Variants in GFOD2 observed in about 807,000 individuals in gnomAD.
The protein encoded by GFOD2 is Gfo/Idh/MocA-like oxidoreductase domain containing 2, also known as glucose-fructose oxidoreductase domain-containing protein 2.
A neutral mutation model predicts 24.6 loss-of-function variants in GFOD2; 9 were observed. The observed-to-expected ratio is 0.37, with a 90% CI of 0.22 to 0.64. The LOEUF is 0.64. GFOD2 is among the 30% of genes least tolerant of loss of function. The pLI, the probability that GFOD2 is intolerant of heterozygous loss-of-function variation, is 0.65. For synonymous variants in GFOD2, 211 were observed against 224.8 expected (o/e 0.94, Z 0.55); for missense variants, 476 against 532.5 (o/e 0.89, Z 1.04).
chr16:67,696,325 T>C (rs1357737638), intron 1 of GFOD2, among the ~76,000 whole-genome samples: 1 of 150,170 alleles, frequency 6.7e-6, no homozygotes, highest in Non-Finnish European at 1.5e-5. Flanking sequence ...GAATCTTTTT[T>C]TTTTTTTTAA....
chr16:67,679,795 G>T (rs989485435), intron 2 of GFOD2, among the ~76,000 whole-genome samples: 2 of 151,750 alleles, frequency 1.3e-5, no homozygotes, highest in African/African-American at 4.8e-5. Flanking sequence ...GCTGAGGCAG[G>T]AGAATTGCTT....
intron 1 of GFOD2, among the ~76,000 whole-genome samples, chr16:67,706,586 C>G (rs187948530): frequency 1.3e-4 from 20 of 152,182 alleles, no homozygotes; most frequent in Non-Finnish European, 2.4e-4. Flanking sequence ...AATGTAGAAG[C>G]CAGAACCATA....
intron 2 of GFOD2, chr16:67,682,421 A>G (rs1392445706): frequency 4.5e-5 from 44 of 985,312 alleles, no homozygotes; most frequent in Middle Eastern, 5.2e-4. Context: ...ACTTAAGAAA[A>G]CATTCAACTG....
intron 2 of GFOD2, among the ~76,000 whole-genome samples, chr16:67,679,256 G>A (rs1200437985): frequency 6.8e-6 from 1 of 146,632 alleles, no homozygotes; most frequent in Non-Finnish European, 1.5e-5. Context: ...TTTTGAGACA[G>A]AGTTTTGCTC....
chr16:67,707,073 A>T (rs2053443842), intron 1 of GFOD2, among the ~76,000 whole-genome samples: 1 of 150,854 alleles, frequency 6.6e-6, no homozygotes, highest in African/African-American at 2.4e-5. Flanking sequence ...AAAAAAAAAA[A>T]AATGTCCGGG....
intron 1 of GFOD2, among the ~76,000 whole-genome samples, chr16:67,708,009 G>A (rs112197254): frequency 2.6e-5 from 4 of 152,122 alleles, no homozygotes; most frequent in Non-Finnish European, 5.9e-5. Flanking sequence ...CTGAGGCGGA[G>A]GGAATCGAAC....
chr16:67,692,739 A>C (rs2053323894), intron 1 of GFOD2, among the ~76,000 whole-genome samples: 1 of 151,576 alleles, frequency 6.6e-6, no homozygotes. Context: ...TAAAAAAAAA[A>C]AAAAAGGCCG....
At chr16:67,689,139 GA>G (rs2053292654) in intron 1 of GFOD2, among the ~76,000 whole-genome samples, 1 of 151,040 alleles carries the variant, frequency 6.6e-6, no homozygotes, top group Non-Finnish European at 1.5e-5. Context: ...TCCTGGTTTC[GA>G]GCGATTCTCC....
rs762050997 is a variant in GFOD2 at position 67,675,369 on chromosome 16, C to T, written c.944G>A (p.Arg315His). Reference protein sequence around the residue: ...KGMVYMVQALRQSFQGQGDRR... With the variant: ...KGMVYMVQALHQSFQGQGDRR... ...GTCGCCCTGCCCCTGGAAGGACTGG[C>T]GCAAGGCCTGCACCATGTAGACCAT... Residue 315 changes from arginine (R) to histidine (H), a missense_variant, in exon 3 of 3, where the codon CGC (arginine) becomes CAC (histidine). Transcript: ENST00000268797. The T allele has an allele frequency of 4.2e-5, 67 of 1,613,256 alleles. No homozygotes were observed. The highest frequency in any genetic ancestry group is 5.0e-5 in the Non-Finnish European group (59 of 1,179,960).
At chr16:67,682,009 G>A in intron 2 of GFOD2, 1 of 337,064 alleles carries the variant, frequency 3.0e-6, no homozygotes, top group Non-Finnish European at 4.2e-6. Context: ...GCAAGATCCT[G>A]TCTCTACAAA....
chr16:67,683,523 C>G, intron 2 of GFOD2: 1 of 1,231,714 alleles, frequency 8.1e-7, no homozygotes, highest in East Asian at 3.2e-5. Flanking sequence ...ATCTGACCTC[C>G]CAAGCATTTG....
chr16:67,705,304 T>C (rs761212045), intron 1 of GFOD2, among the ~76,000 whole-genome samples: 13 of 152,076 alleles, frequency 8.5e-5, no homozygotes, highest in Non-Finnish European at 1.9e-4. Context: ...GCCTCCCAGG[T>C]TCAAGCAATT....
intron 1 of GFOD2, among the ~76,000 whole-genome samples, chr16:67,716,235 C>G (rs1407834189): frequency 3.3e-5 from 5 of 152,182 alleles, no homozygotes; most frequent in Non-Finnish European, 5.9e-5. Flanking sequence ...ATTAGCATTG[C>G]TGGTTTATCT....
At chr16:67,714,309 T>C (rs2053494025) in intron 1 of GFOD2, among the ~76,000 whole-genome samples, 1 of 150,824 alleles carries the variant, frequency 6.6e-6, no homozygotes, top group Non-Finnish European at 1.5e-5. Context: ...CGAAACCCCA[T>C]CTCTACTAAA....
intron 2 of GFOD2, chr16:67,682,172 G>A (rs1026766877): frequency 1.0e-5 from 2 of 196,780 alleles, no homozygotes; most frequent in East Asian, 1.9e-4. Context: ...TGAGTAGCTG[G>A]GACTATAGGC....
chr16:67,683,691 T>G, intron 2 of GFOD2: 1 of 1,230,910 alleles, frequency 8.1e-7, no homozygotes, highest in South Asian at 4.1e-5. Context: ...CCCTACCCAC[T>G]GAGCCAGAGG....
rs1486265421 is a variant in GFOD2, at chr16:67,674,778, T to C, written c.*377A>G. The C allele has an allele frequency of 5.4e-6, 1 of 185,682 alleles. No homozygotes were observed. The highest frequency in any genetic ancestry group is 1.1e-5 in the Non-Finnish European group (1 of 89,942). 11.5% of individuals were successfully genotyped at this position (185,682 alleles called of 1,614,324 possible). A position where few individuals can be genotyped will look rare whatever the true frequency, so the allele number is the denominator to read the frequency against. ...CAGCCCAAGAACGAAACAAAACTTCTCATCATTTCTCCTCAGGCCTCAGCC... is the reference window on the plus strand; with the variant it reads ...CAGCCCAAGAACGAAACAAAACTTCCCATCATTTCTCCTCAGGCCTCAGCC... On this transcript the variant is annotated 3_prime_UTR_variant, in exon 3 of 3. Coordinates refer to ENST00000268797, the MANE Select transcript of GFOD2 (RefSeq NM_030819.4).
intron 1 of GFOD2, among the ~76,000 whole-genome samples, chr16:67,694,274 G>A (rs778472917): frequency 6.6e-6 from 1 of 152,080 alleles, no homozygotes; most frequent in Non-Finnish European, 1.5e-5. Flanking sequence ...TGGGATTACA[G>A]GCATGAGCCA....
rs200116494 is a variant in GFOD2, at chr16:67,678,849, A to AG, written c.260-2797dup. ...GATTCAGCCAATGTCGTAAATACAG[A>AG]GAAAAAAAGCCCATTGTGACTTGGA... is the stretch of plus-strand genomic sequence containing the variant. On this transcript the variant is annotated intron_variant, in intron 2 of 2. Coordinates refer to ENST00000268797, the MANE Select transcript of GFOD2 (RefSeq NM_030819.4). Among the ~76,000 whole-genome samples, 197 of 152,154 alleles carry AG rather than the reference A, an allele frequency of 1.3e-3. 7 individuals are homozygous for AG. In the East Asian group the frequency reaches 0.034, roughly 27 times the overall value.
Sources: allele counts gnomAD v4.1 joint callset (sites outside exome capture counted in the v4.1 genomes callset), GRCh38; gene constraint gnomAD v4.1.1; transcripts MANE v1.5; gene names NCBI Gene and HGNC (gene_info 2026-07-23, HGNC 2026-07-21).